HSPA14: variants seen among roughly 807,000 people sequenced by gnomAD.
HSPA14 encodes the protein heat shock 70 kDa protein 14.
In HSPA14, 37 loss-of-function variants were observed where a neutral mutation model predicts 65.5. The observed-to-expected ratio is 0.56, with a 90% CI of 0.43 to 0.74. HSPA14 has a LOEUF of 0.74. Among genes scored for constraint, HSPA14 ranks in the 30% least tolerant of loss-of-function variants. HSPA14 has a pLI of 0.00. For synonymous variants in HSPA14, 203 were observed against 214.2 expected (o/e 0.95, Z 0.46); for missense variants, 564 against 607.6 (o/e 0.93, Z 0.75).
At chr10:14,857,912 T>C (rs911046238) in intron 10 of HSPA14, among the ~76,000 whole-genome samples, 1 of 152,084 alleles carries the variant, frequency 6.6e-6, no homozygotes, top group African/African-American at 2.4e-5. Flanking sequence ...TGTTTTTTTT[T>C]TTAACACTTA....
At chr10:14,856,531 C>A (rs1832698546) in intron 10 of HSPA14, among the ~76,000 whole-genome samples, 1 of 151,736 alleles carries the variant, frequency 6.6e-6, no homozygotes, top group Non-Finnish European at 1.5e-5. Context: ...TTTTTTTCCC[C>A]AAAATTATTT....
chr10:14,841,949 C>A (rs1384154245), intron 3 of HSPA14, among the ~76,000 whole-genome samples: 1 of 152,206 alleles, frequency 6.6e-6, no homozygotes, highest in Non-Finnish European at 1.5e-5. Context: ...AGCATTTGGC[C>A]TTTTTGTTAC....
At chr10:14,852,080 A>G (rs1834112418) in intron 7 of HSPA14, among the ~76,000 whole-genome samples, 1 of 152,232 alleles carries the variant, frequency 6.6e-6, no homozygotes, top group Admixed American at 6.5e-5. Context: ...AAAATTCACT[A>G]TAATCACAGA....
At chr10:14,869,450 C>T (rs1372989301) in intron 12 of HSPA14, among the ~76,000 whole-genome samples, 1 of 152,062 alleles carries the variant, frequency 6.6e-6, no homozygotes, top group African/African-American at 2.4e-5. Flanking sequence ...GCATGCACCA[C>T]CACACCTGGC....
At chr10:14,865,989 G>T (rs917729483) in intron 10 of HSPA14, among the ~76,000 whole-genome samples, 1 of 152,038 alleles carries the variant, frequency 6.6e-6, no homozygotes, top group Admixed American at 6.6e-5. Flanking sequence ...CTTTTATTTT[G>T]TTGAGCAGTG....
chr10:14,853,638 C>T lies in HSPA14; in HGVS notation c.735-487C>T, dbSNP rs111609519. 5.8e-3 allele frequency among the ~76,000 whole-genome samples: 883 copies of T among 152,270 alleles called. 11 individuals are homozygous for T. Among genetic ancestry groups the T allele is most frequent in the African/African-American group, 0.02 (814 of 41,546 alleles). ...TCTTGAGGTGACCCCTTTAATTGCA[C>T]AGAGTGTTTTAGGAAAGTTTAGAGG... On this transcript the variant is annotated intron_variant, in intron 8 of 13. Coordinates refer to ENST00000378372, the MANE Select transcript of HSPA14 (RefSeq NM_016299.4).
At position 14,842,290 on chromosome 10, in the gene HSPA14, C is replaced by G; in HGVS notation, c.221+2133C>G. 6.5e-7 allele frequency: 1 copy of G among 1,535,408 alleles called. No individual in the cohort carries two copies. The highest frequency in any genetic ancestry group is 8.7e-7 in the Non-Finnish European group (1 of 1,146,328). ...GCCCTCCTTTCCAACCCACAATGGC[C>G]AGTGCCAATAGCAGTGCGGGCATCC... On this transcript the variant is annotated intron_variant, in intron 3 of 13. Coordinates refer to ENST00000378372, the MANE Select transcript of HSPA14 (RefSeq NM_016299.4). The surrounding 1 kb of genome is among the most constrained non-coding windows in gnomAD (Gnocchi z 5.2).
intron 9 of HSPA14, among the ~76,000 whole-genome samples, chr10:14,854,960 C>CT (rs987287720): frequency 3.3e-4 from 50 of 152,316 alleles, no homozygotes; most frequent in African/African-American, 1.0e-3. Context: ...TGCTCCAGAT[C>CT]TTTGAAGAAA....
At chr10:14,838,565 C>A in intron 1 of HSPA14, 106 bp downstream of exon 1, 1 of 1,103,474 alleles carries the variant, frequency 9.1e-7, no homozygotes. Flanking sequence ...CTAGGGATGT[C>A]GTGGAGTGGC....
chr10:14,843,587 T>C (rs1336912270), intron 3 of HSPA14: 1 of 1,550,520 alleles, frequency 6.4e-7, no homozygotes, highest in Non-Finnish European at 8.7e-7. Context: ...GATAGGCCCT[T>C]GACCAGTGAG....
At chr10:14,870,976 AACTGTT>A (rs1832849115) in intron 13 of HSPA14, among the ~76,000 whole-genome samples, 1 of 152,164 alleles carries the variant, frequency 6.6e-6, no homozygotes. Flanking sequence ...AGGTTTATGT[AACTGTT>A]ACTGTTTGCC....
intron 3 of HSPA14, among the ~76,000 whole-genome samples, chr10:14,847,677 A>G (rs1588809937): frequency 6.6e-6 from 1 of 152,162 alleles, no homozygotes; most frequent in African/African-American, 2.4e-5. Context: ...AGATGCTCTA[A>G]CCCTTCAGCA....
At chr10:14,855,628 C>G (rs1390554732) in intron 9 of HSPA14, among the ~76,000 whole-genome samples, 1 of 152,046 alleles carries the variant, frequency 6.6e-6, no homozygotes, top group Non-Finnish European at 1.5e-5. Context: ...GGTGAATGAC[C>G]TAGACTCTCC....
rs1588804344 is a variant in HSPA14, at chr10:14,840,000, A to G, written c.138+15A>G. The G allele has an allele frequency of 3.8e-6, 6 of 1,585,166 alleles. No homozygotes were observed. Among genetic ancestry groups the G allele is most frequent in the Non-Finnish European group, 5.2e-6 (6 of 1,159,346 alleles). On this transcript the variant is annotated intron_variant, in intron 2 of 13. Transcript: ENST00000378372. Reference sequence around the variant, plus strand: ...AAAATGAAGAGGTACTAGTCCCCCCATTTTTGTACTTCTGAAATAATTTAA... The same window carrying G: ...AAAATGAAGAGGTACTAGTCCCCCCGTTTTTGTACTTCTGAAATAATTTAA...
intron 13 of HSPA14, among the ~76,000 whole-genome samples, chr10:14,871,278 G>A (rs1261778207): frequency 1.3e-5 from 2 of 152,104 alleles, no homozygotes; most frequent in African/African-American, 2.4e-5. Context: ...GTCATCATGG[G>A]TTTTCAAGAA....
In HSPA14 at chr10:14,849,753, A is replaced by G; in HGVS notation, c.409A>G (p.Asn137Asp). 1 of 1,613,276 alleles carries G rather than the reference A, an allele frequency of 6.2e-7. No homozygotes were observed. The highest frequency in any genetic ancestry group is 8.5e-7 in the Non-Finnish European group (1 of 1,179,698). ...TAHSVLGSDANDVVITVPFDF... is the reference protein window; with the variant it reads ...TAHSVLGSDADDVVITVPFDF... Reference sequence around the variant, plus strand: ...ACATTCTGTATTGGGCTCAGATGCAAATGATGTAGTTATTACTGTCCCGTT... The same window carrying G: ...ACATTCTGTATTGGGCTCAGATGCAGATGATGTAGTTATTACTGTCCCGTT... Residue 137 changes from asparagine to aspartate, a missense_variant, in exon 6 of 14, where the codon AAT becomes GAT. Physicochemically the swap from Asn to Asp is conservative, Grantham distance 23. Coordinates refer to ENST00000378372, the MANE Select transcript of HSPA14 (RefSeq NM_016299.4).
intron 3 of HSPA14, chr10:14,844,207 G>A (rs1183283359): frequency 1.8e-6 from 2 of 1,142,080 alleles, no homozygotes; most frequent in Non-Finnish European, 2.2e-6. Flanking sequence ...CCGTAAAATG[G>A]GGATCAATAA....
In HSPA14 at chr10:14,842,500, A is replaced by G; in HGVS notation, c.221+2343A>G. On this transcript the variant is annotated intron_variant, in intron 3 of 13. Coordinates refer to ENST00000378372, the MANE Select transcript of HSPA14 (RefSeq NM_016299.4). This position sits in a 1 kb window ranked among gnomAD's most constrained non-coding sequence, Gnocchi z 5.2. ...CCAAGTTTAAAGTTCTGAAGGCATT[A>G]TATTTAAAGGCCTATGTTGCCCATG... 6.5e-7 allele frequency: 1 copy of G among 1,536,148 alleles called. No homozygotes were observed. Among genetic ancestry groups the G allele is most frequent in the Non-Finnish European group, 8.7e-7 (1 of 1,146,920 alleles).
rs757916209 is a variant in HSPA14, at chr10:14,852,396, G to C, written c.599G>C (p.Gly200Ala). ...AATATTTTGGTGTTTAAGCTTGGAG[G>C]AACATCCTTATCTCTCAGCGTCATG... is the stretch of plus-strand genomic sequence containing the variant. Reference protein sequence around the residue: ...KSNILVFKLGGTSLSLSVMEV... With the variant: ...KSNILVFKLGATSLSLSVMEV... Residue 200 changes from glycine (G) to alanine (A), a missense_variant, in exon 8 of 14, where the codon GGA becomes GCA. Coordinates refer to ENST00000378372, the MANE Select transcript of HSPA14 (RefSeq NM_016299.4). 3.1e-6 allele frequency: 5 copies of C among 1,613,548 alleles called. No individual in the cohort carries two copies. In the African/African-American group the frequency reaches 6.7e-5, roughly 22 times the overall value.
Sources: gnomAD v4.1 joint callset for allele counts (sites outside exome capture counted in the v4.1 genomes callset) on GRCh38, gnomAD v4.1.1 for gene constraint, Gnocchi (gnomAD v3.1) non-coding constraint, MANE v1.5 for transcripts, NCBI Gene and HGNC (gene_info 2026-07-23, HGNC 2026-07-21) for gene names.